TRAPPC9: variants seen among roughly 807,000 people sequenced by gnomAD.
TRAPPC9 encodes the protein IKK2 binding protein.
In TRAPPC9, 83 loss-of-function variants were observed where a neutral mutation model predicts 124.0. The observed-to-expected ratio is 0.67, with a 90% CI of 0.56 to 0.80. The LOEUF (loss-of-function observed/expected upper bound fraction) is 0.80. Among genes scored for constraint, TRAPPC9 ranks in the 30% least tolerant of loss-of-function variants. The probability of loss-of-function intolerance (pLI) is 0.00; values close to 1 mark genes in which losing one functional copy is unlikely to be tolerated. For missense variants in TRAPPC9, 1,302 were observed against 1,508.3 expected (o/e 0.86, Z 2.27); for synonymous variants, 638 against 617.5 (o/e 1.03, Z -0.49).
At chr8:140,440,949 G>C (rs1388952229) in intron 2 of TRAPPC9, among the ~76,000 whole-genome samples, 1 of 144,216 alleles carries the variant, frequency 6.9e-6, no homozygotes, top group African/African-American at 2.5e-5. Context: ...AAGTGTCCTT[G>C]ATGTGTTTCT....
chr8:139,993,261 A>C (rs1238805527), intron 18 of TRAPPC9, among the ~76,000 whole-genome samples: 4 of 152,356 alleles, frequency 2.6e-5, no homozygotes, highest in South Asian at 4.1e-4. Flanking sequence ...GCAAAGGACA[A>C]GAATCAATAA....
chr8:140,085,431 C>G (rs999803703), intron 17 of TRAPPC9, among the ~76,000 whole-genome samples: 6 of 151,932 alleles, frequency 3.9e-5, no homozygotes, highest in African/African-American at 1.5e-4. Context: ...TAAAATCTCT[C>G]TCTTTAAATA....
At chr8:140,274,462 C>T (rs2065053351) in intron 15 of TRAPPC9, among the ~76,000 whole-genome samples, 1 of 152,214 alleles carries the variant, frequency 6.6e-6, no homozygotes, top group African/African-American at 2.4e-5. Flanking sequence ...AGGGCAGACA[C>T]GGACCGGGAG....
chr8:140,325,065 G>A (rs1211861055), intron 9 of TRAPPC9, among the ~76,000 whole-genome samples: 8 of 151,972 alleles, frequency 5.3e-5, no homozygotes, highest in South Asian at 2.1e-4. Flanking sequence ...TTTCCACAAC[G>A]GCTGCAAATA....
Position 140,023,972 on chromosome 8 carries a change from T to C in TRAPPC9, c.2664A>G (p.Val888=). ...LGLHVEVEPS[V]FFTRVSTLPA... ...GGAGGGTGCTGACTCGGGTGAAAAATACAGACGGCTCGACTTCTACATGCA... is the reference window on the plus strand; with the variant it reads ...GGAGGGTGCTGACTCGGGTGAAAAACACAGACGGCTCGACTTCTACATGCA... The change falls in exon 18 of 23, where the codon GTA becomes GTG. Residue 888 remains valine (V), a synonymous_variant. Transcript: ENST00000438773. 4 of 1,613,744 alleles carry C rather than the reference T, an allele frequency of 2.5e-6. No individual in the cohort carries two copies. The highest frequency in any genetic ancestry group is 4.5e-5 in the East Asian group (2 of 44,866).
intron 9 of TRAPPC9, among the ~76,000 whole-genome samples, chr8:140,348,807 C>A (rs1342581180): frequency 1.3e-5 from 2 of 152,062 alleles, no homozygotes. Context: ...CATCTAAAGG[C>A]ATGAGGCCGA....
intron 5 of TRAPPC9, among the ~76,000 whole-genome samples, chr8:140,411,832 A>G (rs2069716919): frequency 6.6e-6 from 1 of 152,216 alleles, no homozygotes; most frequent in African/African-American, 2.4e-5. Flanking sequence ...GTCCATAACA[A>G]TAAGTGGATG....
rs532580000 is a variant in TRAPPC9 at position 139,767,730 on chromosome 8, T to C, written c.3056-35528A>G. ...TCAAAGAAGAAACGCCAGCCACTGA[T>C]GAGCACGTGGCAAGGCGCCAGGCCT... On this transcript the variant is annotated intron_variant, in intron 21 of 22. Transcript: ENST00000438773. Among the ~76,000 whole-genome samples the C allele has an allele frequency of 2.6e-5, 4 of 152,362 alleles. No individual in the cohort carries two copies. In the East Asian group the frequency reaches 7.7e-4, roughly 29 times the overall value.
At chr8:140,228,525 T>C (rs2063506154) in intron 16 of TRAPPC9, among the ~76,000 whole-genome samples, 2 of 152,258 alleles carry the variant, frequency 1.3e-5, no homozygotes, top group Non-Finnish European at 2.9e-5. Flanking sequence ...CTTCACATAC[T>C]ATTCAAATGG....
intron 9 of TRAPPC9, among the ~76,000 whole-genome samples, chr8:140,317,574 A>C (rs1453534103): frequency 1.3e-5 from 2 of 152,238 alleles, no homozygotes; most frequent in Non-Finnish European, 2.9e-5. Context: ...GGGCTTTACA[A>C]AGGACAGGAC....
chr8:139,873,659 C>T (rs1829141765), intron 21 of TRAPPC9, among the ~76,000 whole-genome samples: 2 of 152,164 alleles, frequency 1.3e-5, no homozygotes, highest in Non-Finnish European at 2.9e-5. Context: ...CATGCAGGAG[C>T]AGACAAGGGT....
chr8:140,332,573 A>C (rs2066922192), intron 9 of TRAPPC9, among the ~76,000 whole-genome samples: 1 of 152,236 alleles, frequency 6.6e-6, no homozygotes, highest in Non-Finnish European at 1.5e-5. Context: ...AACATTACAC[A>C]GTACCACATA....
chr8:140,416,797 C>T (rs1161385622), intron 5 of TRAPPC9, among the ~76,000 whole-genome samples: 1 of 152,192 alleles, frequency 6.6e-6, no homozygotes, highest in East Asian at 1.9e-4. Context: ...CTGGAGGCAT[C>T]ACGCTACCTG....
chr8:139,767,758 C>A lies in TRAPPC9; in HGVS notation c.3056-35556G>T, dbSNP rs180703443. On this transcript the variant is annotated intron_variant, in intron 21 of 22. Transcript: ENST00000438773. ...GCACGTGGCAAGGCGCCAGGCCTCT[C>A]CAGTAATCAAAGAATGCAGGCTGAG... Among the ~76,000 whole-genome samples, 5 of 152,352 alleles carry A rather than the reference C, an allele frequency of 3.3e-5. No individual in the cohort carries two copies. In the East Asian group the frequency reaches 9.6e-4, roughly 29 times the overall value.
At chr8:139,963,074 C>G (rs930989162) in intron 19 of TRAPPC9, among the ~76,000 whole-genome samples, 2 of 152,306 alleles carry the variant, frequency 1.3e-5, no homozygotes, top group African/African-American at 4.8e-5. Context: ...GAACTAATAC[C>G]ACTAACGAGA....
At chr8:139,772,902 G>T (rs2130458669) in intron 21 of TRAPPC9, among the ~76,000 whole-genome samples, 1 of 152,384 alleles carries the variant, frequency 6.6e-6, no homozygotes, top group South Asian at 2.1e-4. Flanking sequence ...GCCAAGGAGT[G>T]AGGCCTCAGA....
chr8:139,815,872 A>G (rs1294985262), intron 21 of TRAPPC9, among the ~76,000 whole-genome samples: 1 of 152,150 alleles, frequency 6.6e-6, no homozygotes, highest in East Asian at 1.9e-4. Flanking sequence ...TGTGCTCATC[A>G]CCTGACTCTT....
At chr8:140,053,009 C>T (rs1252863468) in intron 17 of TRAPPC9, among the ~76,000 whole-genome samples, 2 of 152,080 alleles carry the variant, frequency 1.3e-5, no homozygotes, top group African/African-American at 4.8e-5. Flanking sequence ...TACCCATGAC[C>T]CCCAACTGAC....
At chr8:140,380,256 T>C (rs1459992932) in intron 7 of TRAPPC9, among the ~76,000 whole-genome samples, 1 of 152,064 alleles carries the variant, frequency 6.6e-6, no homozygotes, top group African/African-American at 2.4e-5. Flanking sequence ...ATCAATGGAA[T>C]AGAAAAAAAA....
Sources: allele counts gnomAD v4.1 joint callset (sites outside exome capture counted in the v4.1 genomes callset), GRCh38; gene constraint gnomAD v4.1.1; transcripts MANE v1.5; gene names NCBI Gene and HGNC (gene_info 2026-07-23, HGNC 2026-07-21).